The following TPD52L1 variants were observed in gnomAD, a reference collection of about 807,000 sequenced individuals.
The protein encoded by TPD52L1 is tumor protein D53.
In TPD52L1, 18 loss-of-function variants were observed where a neutral mutation model predicts 28.7. That is an observed-to-expected ratio of 0.63 (90% CI 0.43 to 0.93). TPD52L1 has a LOEUF of 0.93. Among genes scored for constraint, TPD52L1 ranks in the 40% least tolerant of loss-of-function variants. The pLI, the probability that TPD52L1 is intolerant of heterozygous loss-of-function variation, is 0.00. For synonymous variants in TPD52L1, 75 were observed against 88.8 expected, an observed-to-expected ratio of 0.84 and a Z score of 0.88; for missense variants, 203 against 254.8, an observed-to-expected ratio of 0.80 and a Z score of 1.39.
At chr6:125,156,634 G>T (rs1790156726) in intron 1 of TPD52L1, among the ~76,000 whole-genome samples, 1 of 152,096 alleles carries the variant, frequency 6.6e-6, no homozygotes, top group African/African-American at 2.4e-5. Context: ...GCTGGGTGTG[G>T]TGGTGCGTGC....
intron 3 of TPD52L1, among the ~76,000 whole-genome samples, chr6:125,235,478 G>C (rs895945163): frequency 1.3e-5 from 2 of 152,122 alleles, no homozygotes; most frequent in Non-Finnish European, 2.9e-5. Flanking sequence ...GTTTGTGTTG[G>C]GCTGCTTTCA....
intron 1 of TPD52L1, among the ~76,000 whole-genome samples, chr6:125,158,073 C>T (rs988888967): frequency 3.3e-5 from 5 of 152,156 alleles, no homozygotes; most frequent in African/African-American, 4.8e-5. Context: ...TCAAACCTCC[C>T]TCTGCCTCTC....
chr6:125,203,747 C>T (rs1220223139), intron 1 of TPD52L1: 4 of 985,302 alleles, frequency 4.1e-6, no homozygotes, highest in Non-Finnish European at 4.8e-6. Flanking sequence ...GAGTGAAGTT[C>T]TACACAGACC....
chr6:125,161,756 A>G (rs1428737087), intron 1 of TPD52L1, among the ~76,000 whole-genome samples: 1 of 152,184 alleles, frequency 6.6e-6, no homozygotes, highest in East Asian at 1.9e-4. Flanking sequence ...TCTGATGGTA[A>G]CATCAAAGAT....
intron 1 of TPD52L1, among the ~76,000 whole-genome samples, chr6:125,187,878 A>G (rs1464787176): frequency 6.6e-6 from 1 of 152,088 alleles, no homozygotes; most frequent in Non-Finnish European, 1.5e-5. Context: ...CCCCTTAAAG[A>G]GAAGATATTA....
At chr6:125,212,696 T>G (rs1794600305) in intron 1 of TPD52L1, among the ~76,000 whole-genome samples, 1 of 152,242 alleles carries the variant, frequency 6.6e-6, no homozygotes, top group African/African-American at 2.4e-5. Context: ...GCCCAGCAAC[T>G]TGGGACTGAG....
chr6:125,186,244 G>A (rs187152271), intron 1 of TPD52L1, among the ~76,000 whole-genome samples: 3 of 152,172 alleles, frequency 2.0e-5, no homozygotes, highest in Non-Finnish European at 2.9e-5. Context: ...AAAGACCAGA[G>A]AGTAAACGAT....
chr6:125,190,830 A>G (rs1362937476), intron 1 of TPD52L1, among the ~76,000 whole-genome samples: 1 of 152,160 alleles, frequency 6.6e-6, no homozygotes, highest in East Asian at 1.9e-4. Context: ...AATGCAAGCA[A>G]TGGGGAGCCA....
chr6:125,169,929 C>T (rs1031562766), intron 1 of TPD52L1, among the ~76,000 whole-genome samples: 1 of 152,314 alleles, frequency 6.6e-6, no homozygotes, highest in Middle Eastern at 3.4e-3. Context: ...TGCTCTCTCC[C>T]TTAATTCCCT....
chr6:125,191,859 G>T (rs1793066872), intron 1 of TPD52L1, among the ~76,000 whole-genome samples: 1 of 152,054 alleles, frequency 6.6e-6, no homozygotes, highest in South Asian at 2.1e-4. Context: ...TTTTTAACAA[G>T]GTAAGTTCAA....
At chr6:125,224,542 A>G (rs1024106006) in intron 2 of TPD52L1, among the ~76,000 whole-genome samples, 2 of 151,720 alleles carry the variant, frequency 1.3e-5, no homozygotes, top group Non-Finnish European at 2.9e-5. Context: ...TGAGCTAGTG[A>G]ACAGCTAATG....
At chr6:125,177,588 C>A (rs1482953369) in intron 1 of TPD52L1, among the ~76,000 whole-genome samples, 4 of 152,102 alleles carry the variant, frequency 2.6e-5, no homozygotes, top group Non-Finnish European at 5.9e-5. Flanking sequence ...GCCCTGTGAT[C>A]CTTTCTCTGT....
intron 1 of TPD52L1, among the ~76,000 whole-genome samples, chr6:125,156,732 G>T (rs1274764849): frequency 6.6e-6 from 1 of 152,146 alleles, no homozygotes; most frequent in Non-Finnish European, 1.5e-5. Flanking sequence ...TTACATCACT[G>T]CACCCCAGCT....
At chr6:125,199,710 G>A (rs76562644) in intron 1 of TPD52L1, among the ~76,000 whole-genome samples, 6,935 of 152,174 alleles carry the variant, frequency 0.046, 180 homozygotes, top group East Asian at 0.08. Flanking sequence ...TAAAAGTAAA[G>A]GAGATATTAA....
chr6:125,178,303 G>C (rs985588699), intron 1 of TPD52L1, among the ~76,000 whole-genome samples: 2 of 152,056 alleles, frequency 1.3e-5, no homozygotes, highest in South Asian at 4.1e-4. Context: ...TCTAAGGAAG[G>C]GGCAAATAGT....
At chr6:125,217,874 C>T (rs1197680576) in intron 1 of TPD52L1, among the ~76,000 whole-genome samples, 2 of 152,126 alleles carry the variant, frequency 1.3e-5, no homozygotes, top group African/African-American at 2.4e-5. Flanking sequence ...ATTTTTCACT[C>T]GATATCTTAT....
At chr6:125,232,111 A>G (rs1203271468) in intron 3 of TPD52L1, among the ~76,000 whole-genome samples, 2 of 152,196 alleles carry the variant, frequency 1.3e-5, no homozygotes, top group Non-Finnish European at 2.9e-5. Flanking sequence ...GCAGAGATGG[A>G]CATTTGGGAT....
intron 3 of TPD52L1, among the ~76,000 whole-genome samples, chr6:125,244,208 T>C (rs1796787777): frequency 1.3e-5 from 2 of 152,186 alleles, no homozygotes; most frequent in Non-Finnish European, 2.9e-5. Flanking sequence ...GCTTATCTTG[T>C]TCTCTCATGG....
intron 3 of TPD52L1, among the ~76,000 whole-genome samples, 177 bp downstream of exon 3, chr6:125,229,443 G>T (rs1795811296): frequency 6.6e-6 from 1 of 152,196 alleles, no homozygotes; most frequent in African/African-American, 2.4e-5. Context: ...TGCATGTGAA[G>T]CAGATTCTAT....
Sources: allele counts gnomAD v4.1 joint callset (sites outside exome capture counted in the v4.1 genomes callset), GRCh38; gene constraint gnomAD v4.1.1; transcripts MANE v1.5; gene names NCBI Gene and HGNC (gene_info 2026-07-23, HGNC 2026-07-21).